The following GALNT11 variants were observed in gnomAD, a reference collection of about 807,000 sequenced individuals.
The protein encoded by GALNT11 is UDP-GalNAc:polypeptide N-acetylgalactosaminyltransferase 11.
A neutral mutation model predicts 72.7 loss-of-function variants in GALNT11; 47 were observed. That is an observed-to-expected ratio of 0.65 (90% CI 0.51 to 0.82). The LOEUF is 0.82. GALNT11 is among the 40% of genes least tolerant of loss of function. The pLI, the probability that GALNT11 is intolerant of heterozygous loss-of-function variation, is 0.00. For synonymous variants in GALNT11, 270 were observed against 286.6 expected (o/e 0.94, Z 0.58); for missense variants, 677 against 778.4 (o/e 0.87, Z 1.55).
intron 10 of GALNT11, 90 bp downstream of exon 10, chr7:152,118,872 T>C (rs2129076528): frequency 1.0e-6 from 1 of 992,358 alleles, no homozygotes; most frequent in Middle Eastern, 2.1e-4. Flanking sequence ...AGGACATCAG[T>C]GTCTACTATT....
intron 1 of GALNT11, among the ~76,000 whole-genome samples, chr7:152,028,286 CTCTGTTTTACAGAGTGCTGATTGG>C (rs1397627295): frequency 2.0e-5 from 3 of 152,146 alleles, no homozygotes; most frequent in Non-Finnish European, 4.4e-5. Flanking sequence ...GTGCTGATTG[CTCTGTTTTACAGAGTGCTGATTGG>C]TCTGTTTTAC....
chr7:152,094,101 A>G lies in GALNT11; in HGVS notation c.-38-89A>G. 3 of 1,052,092 alleles carry G rather than the reference A, an allele frequency of 2.9e-6. No homozygotes were observed. The highest frequency in any genetic ancestry group is 4.2e-6 in the Non-Finnish European group (3 of 718,764). 65.2% of individuals were successfully genotyped at this position (1,052,092 alleles called of 1,614,324 possible). On this transcript the variant is annotated intron_variant, in intron 1 of 11. Coordinates refer to ENST00000430044, the MANE Select transcript of GALNT11 (RefSeq NM_022087.4). The surrounding 1 kb of genome is among the most constrained non-coding windows in gnomAD (Gnocchi z 4.3). Reference sequence around the variant, plus strand: ...CGTTAACTGTACGCATAGTGGTCCTACTTGGTGGTTTGGAAAACAGTGATT... The same window carrying G: ...CGTTAACTGTACGCATAGTGGTCCTGCTTGGTGGTTTGGAAAACAGTGATT...
At chr7:152,038,236 C>T (rs2082681873) in intron 1 of GALNT11, among the ~76,000 whole-genome samples, 1 of 152,134 alleles carries the variant, frequency 6.6e-6, no homozygotes, top group Non-Finnish European at 1.5e-5. Context: ...GGCCTCACAG[C>T]CTTCAGAGCT....
intron 1 of GALNT11, among the ~76,000 whole-genome samples, chr7:152,054,607 G>A (rs897367368): frequency 2.7e-5 from 4 of 150,894 alleles, no homozygotes; most frequent in Non-Finnish European, 5.9e-5. Flanking sequence ...GATTTAGTGG[G>A]CTCAAGTGAT....
intron 1 of GALNT11, among the ~76,000 whole-genome samples, chr7:152,054,970 C>T (rs185954072): frequency 2.1e-4 from 32 of 152,228 alleles, no homozygotes; most frequent in African/African-American, 6.7e-4. Context: ...CTGACTTAAA[C>T]GATTGTTAGG....
At chr7:152,090,464 A>T (rs1218298674) in intron 1 of GALNT11, among the ~76,000 whole-genome samples, 2 of 152,252 alleles carry the variant, frequency 1.3e-5, no homozygotes, top group African/African-American at 4.8e-5. Flanking sequence ...TATGGGTTTT[A>T]AAAAAGTTGT....
At chr7:152,026,222 C>T (rs1477020926) in intron 1 of GALNT11, among the ~76,000 whole-genome samples, 1 of 152,190 alleles carries the variant, frequency 6.6e-6, no homozygotes, top group Non-Finnish European at 1.5e-5. Context: ...CAGTATTGTC[C>T]ACTTTTTAAA....
intron 1 of GALNT11, among the ~76,000 whole-genome samples, chr7:152,037,113 G>C (rs2082617123): frequency 6.6e-6 from 1 of 152,020 alleles, no homozygotes; most frequent in South Asian, 2.1e-4. Context: ...TGTATGCTGT[G>C]GTGGGGTATT....
At chr7:152,060,001 ATATAT>A (rs2083908884) in intron 1 of GALNT11, among the ~76,000 whole-genome samples, 1 of 151,802 alleles carries the variant, frequency 6.6e-6, no homozygotes, top group South Asian at 2.1e-4. Flanking sequence ...TGCATTGAAA[ATATAT>A]TGTTTAGTGT....
chr7:152,034,405 T>G (rs181252522), intron 1 of GALNT11, among the ~76,000 whole-genome samples: 22 of 152,310 alleles, frequency 1.4e-4, no homozygotes, highest in African/African-American at 5.3e-4. Flanking sequence ...TAATTTATAC[T>G]TCCCTCAGGT....
At chr7:152,118,939 T>TG in intron 10 of GALNT11, 157 bp downstream of exon 10, 1 of 540,046 alleles carries the variant, frequency 1.9e-6, no homozygotes, top group Middle Eastern at 3.1e-4. Context: ...GCTAAGCTTA[T>TG]GGGGGTTATC....
chr7:152,036,900 A>G (rs2082607389), intron 1 of GALNT11, among the ~76,000 whole-genome samples: 1 of 152,182 alleles, frequency 6.6e-6, no homozygotes, highest in African/African-American at 2.4e-5. Flanking sequence ...AGAAATGTCT[A>G]TTCAGACCTT....
intron 1 of GALNT11, among the ~76,000 whole-genome samples, chr7:152,071,254 T>C (rs2084625856): frequency 6.6e-6 from 1 of 152,102 alleles, no homozygotes; most frequent in African/African-American, 2.4e-5. Context: ...ATTTCAGCCC[T>C]GTATTCTCAA....
chr7:152,058,330 T>TTTTTG (rs142361956), intron 1 of GALNT11, among the ~76,000 whole-genome samples: 97 of 151,990 alleles, frequency 6.4e-4, no homozygotes, highest in East Asian at 7.7e-4. Flanking sequence ...TGGCAAGTTC[T>TTTTTG]TTTTGTTTTG....
chr7:152,051,295 CT>C (rs1160584026), intron 1 of GALNT11, among the ~76,000 whole-genome samples: 1 of 95,548 alleles, frequency 1.0e-5, no homozygotes, highest in Non-Finnish European at 2.0e-5. Flanking sequence ...TCTTAAGTTT[CT>C]TTTTTTTTCT....
In GALNT11 at chr7:152,085,279, T is replaced by C. The variant is rs76598321; in HGVS notation, c.-38-8911T>C. Reference sequence around the variant, plus strand: ...ATGACTGAAGAAAAACGTAAAACCATAGTGACTTGTCTCACTTTAATAAAT... The same window carrying C: ...ATGACTGAAGAAAAACGTAAAACCACAGTGACTTGTCTCACTTTAATAAAT... On this transcript the variant is annotated intron_variant, in intron 1 of 11. Coordinates refer to ENST00000430044, the MANE Select transcript of GALNT11 (RefSeq NM_022087.4). Among the ~76,000 whole-genome samples the C allele has an allele frequency of 3.1e-3, 466 of 152,320 alleles. 2 individuals carry two copies. The highest frequency in any genetic ancestry group is 0.011 in the African/African-American group (445 of 41,574).
intron 5 of GALNT11, 88 bp downstream of exon 5, chr7:152,105,458 A>G (rs2087436832): frequency 6.6e-7 from 1 of 1,519,330 alleles, no homozygotes; most frequent in Admixed American, 2.2e-5. Context: ...AAAGTCTATG[A>G]AGAGTAGTGT....
Position 152,118,736 on chromosome 7 carries a change from G to C in GALNT11, c.1511G>C (p.Gly504Ala). Residue 504 changes from glycine (G) to alanine (A), a missense_variant, in exon 10 of 12, where the codon GGA becomes GCA. Physicochemically the swap from Gly to Ala is moderately conservative, Grantham distance 60. Transcript: ENST00000430044. ...GCCCAGGGCCGCCCAAGTCAGAAGGGAGGTCTCGTGGTGCTTAAGGCCTGT... is the reference window on the plus strand; with the variant it reads ...GCCCAGGGCCGCCCAAGTCAGAAGGCAGGTCTCGTGGTGCTTAAGGCCTGT... ...LVAQGRPSQK[G>A]GLVVLKACDY... is the part of the protein sequence containing the mutation. 6.2e-7 allele frequency: 1 copy of C among 1,611,960 alleles called. No homozygotes were observed. The highest frequency in any genetic ancestry group is 8.5e-7 in the Non-Finnish European group (1 of 1,179,292).
chr7:152,065,438 C>T (rs2084254754), intron 1 of GALNT11, among the ~76,000 whole-genome samples: 1 of 152,188 alleles, frequency 6.6e-6, no homozygotes, highest in Admixed American at 6.5e-5. Context: ...ACCCTTCTCT[C>T]AACTCGTCAA....
Sources: gnomAD v4.1 joint callset for allele counts (sites outside exome capture counted in the v4.1 genomes callset) on GRCh38, gnomAD v4.1.1 for gene constraint, Gnocchi (gnomAD v3.1) non-coding constraint, MANE v1.5 for transcripts, NCBI Gene and HGNC (gene_info 2026-07-23, HGNC 2026-07-21) for gene names.